Variants in SMYD3 observed in about 807,000 individuals in gnomAD.
SMYD3 encodes the protein histone-lysine N-methyltransferase SMYD3.
Under a neutral mutation model 57.7 loss-of-function variants are expected in SMYD3, and 36 were observed. That is an observed-to-expected ratio of 0.62 (90% CI 0.48 to 0.82). The LOEUF is 0.82. Among genes scored for constraint, SMYD3 ranks in the 40% least tolerant of loss-of-function variants. The pLI is 0.00. For missense variants in SMYD3, 515 were observed against 538.8 expected, an observed-to-expected ratio of 0.96 and a Z score of 0.44; for synonymous variants, 211 against 195.0, an observed-to-expected ratio of 1.08 and a Z score of -0.68.
chr1:246,203,049 T>C lies in SMYD3; in HGVS notation c.531+124152A>G, dbSNP rs2062944330. Among the ~76,000 whole-genome samples, 1 of 151,950 alleles carries C rather than the reference T, an allele frequency of 6.6e-6. No individual in the cohort carries two copies. The highest frequency in any genetic ancestry group is 1.5e-5 in the Non-Finnish European group (1 of 67,968). On this transcript the variant is annotated intron_variant, in intron 5 of 11. Coordinates refer to ENST00000490107, the MANE Select transcript of SMYD3 (RefSeq NM_001167740.2). This position sits in a 1 kb window ranked among gnomAD's most constrained non-coding sequence, Gnocchi z 4.6. ...CTGAGACAGGAGAATCACTTCAACC[T>C]GGGAGGGTGAGGTTGCACTGAGCTG...
intron 5 of SMYD3, among the ~76,000 whole-genome samples, chr1:246,015,591 C>T (rs781765777): frequency 5.3e-5 from 8 of 152,142 alleles, no homozygotes; most frequent in East Asian, 1.9e-4. Flanking sequence ...TTAACAATAA[C>T]GCTCCATTCC....
At chr1:245,846,676 T>A (rs2050680632) in intron 10 of SMYD3, among the ~76,000 whole-genome samples, 1 of 152,226 alleles carries the variant, frequency 6.6e-6, no homozygotes, top group Admixed American at 6.5e-5. Context: ...AGCAAGTTGC[T>A]TGGTCCACAG....
chr1:246,422,129 C>T (rs372242485), intron 1 of SMYD3, among the ~76,000 whole-genome samples: 5 of 152,098 alleles, frequency 3.3e-5, no homozygotes, highest in African/African-American at 1.2e-4. Context: ...ACTGTGAAGG[C>T]CCTTTGATGA....
chr1:246,270,067 A>T (rs1235876681), intron 5 of SMYD3, among the ~76,000 whole-genome samples: 1 of 152,212 alleles, frequency 6.6e-6, no homozygotes, highest in Non-Finnish European at 1.5e-5. Flanking sequence ...AATTAATAAC[A>T]TTACGACAAA....
chr1:246,168,252 A>G (rs1182732957), intron 5 of SMYD3, among the ~76,000 whole-genome samples: 2 of 152,224 alleles, frequency 1.3e-5, no homozygotes, highest in Admixed American at 6.5e-5. Flanking sequence ...AAGTATGCAC[A>G]GGTAGCACGT....
chr1:245,962,928 C>T (rs1440709952), intron 5 of SMYD3, among the ~76,000 whole-genome samples: 1 of 152,198 alleles, frequency 6.6e-6, no homozygotes, highest in African/African-American at 2.4e-5. Flanking sequence ...AGACACGAAG[C>T]CTTTCTTTAT....
chr1:245,969,895 TAA>T (rs1203118786), intron 5 of SMYD3, among the ~76,000 whole-genome samples: 1 of 152,220 alleles, frequency 6.6e-6, no homozygotes, highest in Non-Finnish European at 1.5e-5. Context: ...ACATTTATCA[TAA>T]AGACTATTAA....
intron 5 of SMYD3, among the ~76,000 whole-genome samples, chr1:246,161,292 G>A (rs2062115508): frequency 6.6e-6 from 1 of 152,174 alleles, no homozygotes; most frequent in Admixed American, 6.5e-5. Context: ...CTTTCAGCGT[G>A]CACTTCAAAC....
chr1:245,759,068 G>C (rs1426022456), intron 11 of SMYD3, among the ~76,000 whole-genome samples: 1 of 152,100 alleles, frequency 6.6e-6, no homozygotes, highest in African/African-American at 2.4e-5. Context: ...CATACTTCCT[G>C]GAAGGTAAAT....
intron 1 of SMYD3, among the ~76,000 whole-genome samples, chr1:246,419,771 C>G (rs1315701159): frequency 6.6e-6 from 1 of 152,214 alleles, no homozygotes; most frequent in African/African-American, 2.4e-5. Context: ...GAATCTAATA[C>G]CTGATGATCC....
chr1:246,352,156 A>C (rs1330361090), intron 2 of SMYD3, among the ~76,000 whole-genome samples: 5 of 146,120 alleles, frequency 3.4e-5, no homozygotes, highest in East Asian at 1.9e-4. Flanking sequence ...AAAAAAAAAA[A>C]AAAAAAACAT....
intron 5 of SMYD3, among the ~76,000 whole-genome samples, chr1:245,964,722 C>G (rs1462248020): frequency 6.6e-6 from 1 of 151,118 alleles, no homozygotes; most frequent in Non-Finnish European, 1.5e-5. Flanking sequence ...CTGAACACAA[C>G]TGAGGAAAAA....
intron 8 of SMYD3, among the ~76,000 whole-genome samples, chr1:245,885,420 T>C (rs944319106): frequency 1.3e-5 from 2 of 152,196 alleles, no homozygotes; most frequent in Non-Finnish European, 2.9e-5. Flanking sequence ...AGCTTCCAGC[T>C]TGCTTGTCTA....
chr1:246,219,298 AC>A (rs1425096572), intron 5 of SMYD3, among the ~76,000 whole-genome samples: 1 of 152,120 alleles, frequency 6.6e-6, no homozygotes, highest in Non-Finnish European at 1.5e-5. Flanking sequence ...AAGCAGCTGG[AC>A]ATCAAAGACT....
intron 5 of SMYD3, among the ~76,000 whole-genome samples, chr1:246,249,634 A>G (rs2148496473): frequency 6.6e-6 from 1 of 152,224 alleles, no homozygotes; most frequent in South Asian, 2.1e-4. Context: ...TCATAGTAGT[A>G]CAGCCCAACA....
At chr1:246,466,870 A>T (rs761901943) in intron 1 of SMYD3, among the ~76,000 whole-genome samples, 34 of 151,278 alleles carry the variant, frequency 2.2e-4, no homozygotes, top group Non-Finnish European at 3.8e-4. Flanking sequence ...AATTTTTAAA[A>T]TTTTTTTTTT....
At chr1:245,802,222 G>A (rs1369547686) in intron 10 of SMYD3, among the ~76,000 whole-genome samples, 1 of 152,122 alleles carries the variant, frequency 6.6e-6, no homozygotes, top group Non-Finnish European at 1.5e-5. Context: ...ACAGAATGGG[G>A]AGATTTGACT....
chr1:245,822,199 A>G (rs1212792391), intron 10 of SMYD3, among the ~76,000 whole-genome samples: 1 of 152,108 alleles, frequency 6.6e-6, no homozygotes, highest in African/African-American at 2.4e-5. Flanking sequence ...CATATACACC[A>G]TGGAATACTA....
intron 5 of SMYD3, among the ~76,000 whole-genome samples, chr1:246,136,143 C>G (rs1189358389): frequency 6.6e-6 from 1 of 152,138 alleles, no homozygotes; most frequent in Non-Finnish European, 1.5e-5. Flanking sequence ...CAAATTAGCA[C>G]CAACAGATTG....
Sources: allele counts gnomAD v4.1 joint callset (sites outside exome capture counted in the v4.1 genomes callset), GRCh38; gene constraint gnomAD v4.1.1; non-coding constraint Gnocchi (gnomAD v3.1); transcripts MANE v1.5; gene names NCBI Gene and HGNC (gene_info 2026-07-23, HGNC 2026-07-21).